The following SNTG1 variants were observed in gnomAD, a reference collection of about 807,000 sequenced individuals.
SNTG1 encodes the protein syntrophin gamma 1, also known as gamma-1-syntrophin.
In SNTG1, 39 loss-of-function variants were observed where a neutral mutation model predicts 74.7. That is an observed-to-expected ratio of 0.52 (90% CI 0.40 to 0.68). The LOEUF (loss-of-function observed/expected upper bound fraction) is 0.68, where lower values mean the gene tolerates loss of function less well. Among genes scored for constraint, SNTG1 ranks in the 30% least tolerant of loss-of-function variants. SNTG1 has a pLI of 0.00. For missense variants in SNTG1, 685 were observed against 609.5 expected, an observed-to-expected ratio of 1.12 and a Z score of -1.30; for synonymous variants, 254 against 217.1, an observed-to-expected ratio of 1.17 and a Z score of -1.49.
intron 17 of SNTG1, among the ~76,000 whole-genome samples, chr8:50,729,557 G>T (rs1038218171): frequency 6.6e-5 from 10 of 152,078 alleles, no homozygotes; most frequent in African/African-American, 2.4e-4. Flanking sequence ...GGTCTCTTTT[G>T]TCAGCCAGCT....
At chr8:50,116,548 C>T (rs776527180) in intron 1 of SNTG1, among the ~76,000 whole-genome samples, 27 of 152,146 alleles carry the variant, frequency 1.8e-4, no homozygotes, top group Non-Finnish European at 2.6e-4. Context: ...TCAGTCATTG[C>T]GTACCTAATT....
In SNTG1 at chr8:50,281,728, A is replaced by AT. The variant is rs1253465197; in HGVS notation, c.-28+109098dup. ...AATTTTTCTCTCTACATTCACCTCC[A>AT]TTTTTACCAAAAATAATCATAGTAA... On this transcript the variant is annotated intron_variant, in intron 2 of 18. Coordinates refer to ENST00000642720, the MANE Select transcript of SNTG1 (RefSeq NM_018967.5). Among the ~76,000 whole-genome samples, 10 of 152,288 alleles carry AT rather than the reference A, an allele frequency of 6.6e-5. No individual in the cohort carries two copies. In the East Asian group the frequency reaches 1.7e-3, roughly 26 times the overall value.
intron 2 of SNTG1, among the ~76,000 whole-genome samples, chr8:50,286,084 T>C (rs897464044): frequency 2.0e-5 from 3 of 152,074 alleles, no homozygotes; most frequent in African/African-American, 7.2e-5. Context: ...TCTCACTATA[T>C]GTATAACTTC....
intron 2 of SNTG1, among the ~76,000 whole-genome samples, chr8:50,237,120 CCTCA>C (rs1407628015): frequency 5.3e-5 from 8 of 152,122 alleles, no homozygotes; most frequent in African/African-American, 1.7e-4. Flanking sequence ...ATCTTTTTTT[CCTCA>C]CTCTATTTTT....
chr8:50,492,077 A>G (rs955063158), intron 8 of SNTG1, among the ~76,000 whole-genome samples: 2 of 151,996 alleles, frequency 1.3e-5, no homozygotes, highest in Admixed American at 6.5e-5. Context: ...ATCCTTTTTT[A>G]TGACTGCATA....
intron 1 of SNTG1, among the ~76,000 whole-genome samples, chr8:49,945,885 C>T (rs1809138466): frequency 6.6e-6 from 1 of 152,312 alleles, no homozygotes; most frequent in South Asian, 2.1e-4. Flanking sequence ...CAATAATTCA[C>T]AATATCCTTC....
intron 1 of SNTG1, among the ~76,000 whole-genome samples, chr8:50,152,899 C>T (rs1348512933): frequency 4.6e-5 from 7 of 152,046 alleles, no homozygotes; most frequent in African/African-American, 9.7e-5. Context: ...TTGCTCTTCT[C>T]GAGGAGTATC....
chr8:50,630,015 A>C (rs2094985683), intron 13 of SNTG1, among the ~76,000 whole-genome samples: 1 of 152,202 alleles, frequency 6.6e-6, no homozygotes. Flanking sequence ...TCAGTGGATT[A>C]TTTTTAACAT....
At chr8:50,611,967 A>T (rs2094853412) in intron 13 of SNTG1, among the ~76,000 whole-genome samples, 1 of 152,086 alleles carries the variant, frequency 6.6e-6, no homozygotes, top group Non-Finnish European at 1.5e-5. Context: ...CATGTTGTCC[A>T]GGCTGATCTC....
At chr8:50,351,112 G>A (rs570951050) in intron 2 of SNTG1, among the ~76,000 whole-genome samples, 2 of 152,296 alleles carry the variant, frequency 1.3e-5, no homozygotes, top group Admixed American at 6.5e-5. Context: ...ACCCTTACAT[G>A]GTGTTGGCAG....
intron 10 of SNTG1, among the ~76,000 whole-genome samples, chr8:50,531,983 C>T (rs776193384): frequency 6.6e-6 from 1 of 152,128 alleles, no homozygotes. Flanking sequence ...TAATGTCCTT[C>T]CTTATAAAAC....
At chr8:50,767,539 AACTT>A (rs1244554107) in intron 18 of SNTG1, among the ~76,000 whole-genome samples, 1 of 151,994 alleles carries the variant, frequency 6.6e-6, no homozygotes, top group Non-Finnish European at 1.5e-5. Context: ...AGCCTAATTA[AACTT>A]CTCAGAACTT....
intron 2 of SNTG1, among the ~76,000 whole-genome samples, chr8:50,209,417 GCCT>G (rs1192064652): frequency 6.6e-6 from 1 of 152,188 alleles, no homozygotes; most frequent in Admixed American, 6.5e-5. Flanking sequence ...TGGACAGACT[GCCT>G]CCTCAAGTGG....
At chr8:50,753,514 C>T (rs2095572821) in intron 18 of SNTG1, among the ~76,000 whole-genome samples, 1 of 151,878 alleles carries the variant, frequency 6.6e-6, no homozygotes, top group Admixed American at 6.6e-5. Flanking sequence ...TTTTAATGAG[C>T]TAACAAACCC....
At chr8:50,524,288 T>A (rs2094203133) in intron 9 of SNTG1, among the ~76,000 whole-genome samples, 1 of 152,098 alleles carries the variant, frequency 6.6e-6, no homozygotes, top group Non-Finnish European at 1.5e-5. Flanking sequence ...AGTTAGTGTC[T>A]CTGTTGGGGA....
At chr8:50,536,908 T>C (rs138745276) in intron 11 of SNTG1, 100 bp downstream of exon 11, 12 of 1,379,034 alleles carry the variant, frequency 8.7e-6, no homozygotes, top group Middle Eastern at 1.9e-4. Flanking sequence ...GATTTTAGTA[T>C]GTTTTTGATA....
chr8:50,249,320 C>A (rs2129850603), intron 2 of SNTG1, among the ~76,000 whole-genome samples: 1 of 152,292 alleles, frequency 6.6e-6, no homozygotes, highest in Admixed American at 6.5e-5. Context: ...GACATTGGAG[C>A]AGAGTTCTGC....
intron 1 of SNTG1, among the ~76,000 whole-genome samples, chr8:50,155,786 G>A (rs1193288744): frequency 6.6e-6 from 1 of 151,878 alleles, no homozygotes; most frequent in African/African-American, 2.4e-5. Context: ...TTCAAGGTAA[G>A]TTGAAGAAAA....
intron 2 of SNTG1, among the ~76,000 whole-genome samples, chr8:50,369,737 T>C (rs1281966822): frequency 6.6e-6 from 1 of 152,186 alleles, no homozygotes; most frequent in East Asian, 1.9e-4. Flanking sequence ...GAACTTGATC[T>C]TGGACTTCCA....
Sources: gnomAD v4.1 joint callset for allele counts (sites outside exome capture counted in the v4.1 genomes callset) on GRCh38, gnomAD v4.1.1 for gene constraint, MANE v1.5 for transcripts, NCBI Gene and HGNC (gene_info 2026-07-23, HGNC 2026-07-21) for gene names.